The following EVI5 variants were observed in gnomAD, a reference collection of about 807,000 sequenced individuals.
The protein encoded by EVI5 is ecotropic viral integration site 5 protein homolog.
EVI5 carries 73 observed loss-of-function variants against 112.0 expected under a neutral mutation model. The ratio of observed to expected loss-of-function variants is 0.65; its 90% CI spans 0.54 to 0.79. The LOEUF (loss-of-function observed/expected upper bound fraction) is 0.79, where lower values mean the gene tolerates loss of function less well. Ranked by LOEUF, EVI5 falls within the 30% of genes least tolerant of loss-of-function variation. The pLI is 0.00. For missense variants in EVI5, 900 were observed against 968.8 expected, an observed-to-expected ratio of 0.93 and a Z score of 0.94; for synonymous variants, 305 against 319.9, an observed-to-expected ratio of 0.95 and a Z score of 0.50.
At chr1:92,523,274 CAATCAT>C (rs1661270372) in intron 19 of EVI5, among the ~76,000 whole-genome samples, 1 of 152,042 alleles carries the variant, frequency 6.6e-6, no homozygotes, top group Non-Finnish European at 1.5e-5. Context: ...CTAGCTCTAA[CAATCAT>C]TAAAATATGC....
chr1:92,789,428 G>A (rs1054437429), upstream of EVI5, among the ~76,000 whole-genome samples: 10 of 151,840 alleles, frequency 6.6e-5, no homozygotes, highest in African/African-American at 2.4e-4. Flanking sequence ...TCAGCCTCCC[G>A]AGCAGCTGGG....
rs981681212 is a variant in EVI5, at chr1:92,785,059, C to G, written c.-305G>C. On this transcript the variant is annotated 5_prime_UTR_variant, in exon 1 of 20. Transcript: ENST00000684568. ...GGAACTGCAGCCAGCCCCTTGCCAG[C>G]TGGCCAGCTGGTTCCTCCGGGGTCC... The G allele has an allele frequency of 3.0e-6, 3 of 985,448 alleles. No individual in the cohort carries two copies. The highest frequency in any genetic ancestry group is 1.1e-4 in the East Asian group (1 of 8,808). 61.0% of individuals were successfully genotyped at this position (985,448 alleles called of 1,614,324 possible).
At chr1:92,589,981 C>T (rs143705965) in intron 18 of EVI5, among the ~76,000 whole-genome samples, 3,682 of 152,286 alleles carry the variant, frequency 0.024, 73 homozygotes, top group Admixed American at 0.055. Context: ...CTGCAGCCTC[C>T]GCTGCTGATA....
At chr1:92,707,923 A>G (rs1672257479) in intron 2 of EVI5, among the ~76,000 whole-genome samples, 1 of 152,228 alleles carries the variant, frequency 6.6e-6, no homozygotes, top group Non-Finnish European at 1.5e-5. Context: ...AGCAATAAAA[A>G]GAAATAAACT....
intron 19 of EVI5, among the ~76,000 whole-genome samples, chr1:92,528,704 T>C (rs2101820420): frequency 6.6e-6 from 1 of 152,296 alleles, no homozygotes; most frequent in South Asian, 2.1e-4. Flanking sequence ...AATAACTCAT[T>C]CTATATGATT....
upstream of EVI5, among the ~76,000 whole-genome samples, chr1:92,786,235 GA>G (rs33914637): frequency 0.042 from 5,885 of 139,388 alleles, 333 homozygotes; most frequent in African/African-American, 0.12. Flanking sequence ...AAGCATTTCA[GA>G]AAAAAAAAAA....
intron 18 of EVI5, among the ~76,000 whole-genome samples, chr1:92,590,280 G>A (rs7368372): frequency 0.92 from 140,196 of 152,194 alleles, 64,669 homozygotes; most frequent in East Asian, 0.97. Context: ...ACTTTGACGA[G>A]TTGAGAGAAG....
chr1:92,746,168 C>T (rs1679218745), intron 1 of EVI5, among the ~76,000 whole-genome samples: 1 of 152,174 alleles, frequency 6.6e-6, no homozygotes, highest in South Asian at 2.1e-4. Flanking sequence ...TGTTTTCTGT[C>T]CAAAAATGCT....
At chr1:92,748,579 CACAAA>C (rs1679678349) in intron 1 of EVI5, among the ~76,000 whole-genome samples, 1 of 152,082 alleles carries the variant, frequency 6.6e-6, no homozygotes, top group African/African-American at 2.4e-5. Flanking sequence ...CACATTATCC[CACAAA>C]ACAAAATTAA....
At chr1:92,645,899 G>T (rs1454444973) in intron 13 of EVI5, among the ~76,000 whole-genome samples, 1 of 152,038 alleles carries the variant, frequency 6.6e-6, no homozygotes, top group Non-Finnish European at 1.5e-5. Flanking sequence ...TTCACTTCAC[G>T]TTGCATTCTC....
intron 9 of EVI5, among the ~76,000 whole-genome samples, chr1:92,683,874 C>T (rs1428070792): frequency 1.3e-5 from 2 of 151,986 alleles, no homozygotes; most frequent in Non-Finnish European, 2.9e-5. Context: ...AAGAAATGAA[C>T]AAAGACTCCA....
At position 92,563,687 on chromosome 1, in the gene EVI5, C is replaced by A. The variant is rs1668971543; in HGVS notation, c.2121G>T (p.Gln707His). ...TCTGATCTTTCAGTTCCCCAATATA[C>A]TGGTTAGAATCAGACTTGTTAAGCT... ...QGQLNKSDSN[Q>H]YIGELKDQIA... Residue 707 changes from glutamine (Q) to histidine (H), a missense_variant, in exon 19 of 20, where the codon CAG becomes CAT. Gln to His is a conservative substitution (Grantham distance 24). Coordinates refer to ENST00000684568, the MANE Select transcript of EVI5 (RefSeq NM_001350197.2). 6.2e-7 allele frequency: 1 copy of A among 1,609,638 alleles called. No homozygotes were observed. Among genetic ancestry groups the A allele is most frequent in the African/African-American group, 1.3e-5 (1 of 74,822 alleles).
chr1:92,772,501 T>C (rs1257738952), intron 1 of EVI5, among the ~76,000 whole-genome samples: 2 of 152,022 alleles, frequency 1.3e-5, no homozygotes, highest in East Asian at 2.0e-4. Flanking sequence ...TTGTTTAGCA[T>C]TGTCTTCTAA....
At chr1:92,714,304 T>C (rs2102636989) in intron 2 of EVI5, 1 of 207,558 alleles carries the variant, frequency 4.8e-6, no homozygotes, top group Non-Finnish European at 8.4e-6. Context: ...ATTTTTATAC[T>C]TTCTGAATCA....
intron 19 of EVI5, among the ~76,000 whole-genome samples, chr1:92,546,533 CT>C (rs1415401433): frequency 6.6e-6 from 1 of 151,988 alleles, no homozygotes; most frequent in Non-Finnish European, 1.5e-5. Flanking sequence ...CCCGTCTCTA[CT>C]AAAAATATAA....
chr1:92,678,524 G>A (rs138011436), intron 9 of EVI5, among the ~76,000 whole-genome samples: 152 of 152,008 alleles, frequency 1.0e-3, no homozygotes, highest in African/African-American at 3.4e-3. Flanking sequence ...TCCCTGCAAC[G>A]CCCAGAAAGT....
intron 11 of EVI5, 52 bp downstream of exon 11, chr1:92,665,887 G>C (rs1280393169): frequency 2.3e-6 from 3 of 1,291,772 alleles, no homozygotes; most frequent in Non-Finnish European, 3.3e-6. Flanking sequence ...TAAATATACA[G>C]AAAAAACACC....
intron 16 of EVI5, 82 bp downstream of exon 16, chr1:92,624,094 G>A: frequency 4.7e-6 from 6 of 1,265,730 alleles, no homozygotes; most frequent in Middle Eastern, 2.6e-4. Context: ...TTTTATCTCT[G>A]TTCTAGGGAT....
Position 92,563,750 on chromosome 1 carries a change from A to G in EVI5, c.2071-13T>C. 6.4e-7 allele frequency: 1 copy of G among 1,571,690 alleles called. No homozygotes were observed. The highest frequency in any genetic ancestry group is 8.7e-7 in the Non-Finnish European group (1 of 1,145,946). Reference sequence around the variant, plus strand: ...TTCCTTCTTCTTTCTGTTTTGTGACAAAACAACAAAGCAAAAACAAGAGGC... The same window carrying G: ...TTCCTTCTTCTTTCTGTTTTGTGACGAAACAACAAAGCAAAAACAAGAGGC... On this transcript the variant is annotated splice_polypyrimidine_tract_variant and intron_variant, in intron 18 of 19. Coordinates refer to ENST00000684568, the MANE Select transcript of EVI5 (RefSeq NM_001350197.2).
Sources: gnomAD v4.1 joint callset for allele counts (sites outside exome capture counted in the v4.1 genomes callset) on GRCh38, gnomAD v4.1.1 for gene constraint, MANE v1.5 for transcripts, NCBI Gene and HGNC (gene_info 2026-07-23, HGNC 2026-07-21) for gene names.